Variants in TP63 observed in about 807,000 individuals in gnomAD.
TP63 encodes the protein tumor protein 63.
Under a neutral mutation model 82.8 loss-of-function variants are expected in TP63, and 17 were observed. The observed-to-expected ratio is 0.21, with a 90% CI of 0.14 to 0.31. The LOEUF is 0.31. Among genes scored for constraint, TP63 ranks in the 10% least tolerant of loss-of-function variants. TP63 has a pLI of 1.00. For synonymous variants in TP63, 330 were observed against 321.7 expected, an observed-to-expected ratio of 1.03 and a Z score of -0.28; for missense variants, 648 against 895.3, an observed-to-expected ratio of 0.72 and a Z score of 3.52.
intron 1 of TP63, among the ~76,000 whole-genome samples, chr3:189,709,842 T>C (rs965951640): frequency 6.6e-5 from 10 of 152,186 alleles, no homozygotes; most frequent in Non-Finnish European, 4.4e-5. Context: ...TAGTTTTCCT[T>C]TGAAGGTGGG....
intron 3 of TP63, among the ~76,000 whole-genome samples, chr3:189,745,617 G>A (rs146927456): frequency 7.2e-5 from 10 of 138,558 alleles, no homozygotes; most frequent in Non-Finnish European, 1.5e-4. Flanking sequence ...TGAGATAGGA[G>A]AATCGCTTGA....
chr3:189,747,195 C>T (rs950774999), intron 3 of TP63, among the ~76,000 whole-genome samples: 3 of 151,968 alleles, frequency 2.0e-5, no homozygotes, highest in African/African-American at 7.2e-5. Context: ...GAGAGATCAT[C>T]TAGAAAGTTA....
At chr3:189,746,697 TAAC>T (rs57122599) in intron 3 of TP63, among the ~76,000 whole-genome samples, 6,503 of 151,782 alleles carry the variant, frequency 0.043, 456 homozygotes, top group African/African-American at 0.15. Context: ...CATATATTAA[TAAC>T]AACCTTCAAT....
At chr3:189,757,304 G>T (rs1175513124) in intron 3 of TP63, among the ~76,000 whole-genome samples, 1 of 152,156 alleles carries the variant, frequency 6.6e-6, no homozygotes, top group Non-Finnish European at 1.5e-5. Context: ...AAGAGGTCAG[G>T]CTCCAGAGAT....
At chr3:189,621,130 C>T in the TP63 span, among the ~76,000 whole-genome samples, 1 of 152,096 alleles carries the variant, frequency 6.6e-6, no homozygotes, top group Non-Finnish European at 1.5e-5. Context: ...AAATGATGCC[C>T]ATTGACTGTG....
chr3:189,820,612 G>A (rs1035430794), intron 4 of TP63, among the ~76,000 whole-genome samples: 6 of 152,174 alleles, frequency 3.9e-5, no homozygotes, highest in African/African-American at 1.4e-4. Context: ...ATGGTTTGTT[G>A]GATACTAGTG....
At chr3:189,613,882 T>G in the TP63 span, among the ~76,000 whole-genome samples, 1 of 152,194 alleles carries the variant, frequency 6.6e-6, no homozygotes, top group Non-Finnish European at 1.5e-5. Flanking sequence ...AAACTGTCTC[T>G]TATTTGGAAC....
At chr3:189,660,246 A>T (rs1713749972) in intron 1 of TP63, among the ~76,000 whole-genome samples, 1 of 152,102 alleles carries the variant, frequency 6.6e-6, no homozygotes, top group Non-Finnish European at 1.5e-5. Context: ...TAGGGGGTCC[A>T]GTTTCATCTT....
Position 189,631,502 on chromosome 3 carries a change from G to C in TP63, c.-14G>C, listed in dbSNP as rs1401312885. 1 of 1,612,484 alleles carries C rather than the reference G, an allele frequency of 6.2e-7. No homozygotes were observed. Among genetic ancestry groups the C allele is most frequent in the East Asian group, 2.2e-5 (1 of 44,834 alleles). ...TTGTTCTCCGTTCGTTGATATCAAA[G>C]ACAGTTGAAGGAAATGAATTTTGAA... On this transcript the variant is annotated 5_prime_UTR_variant, in exon 1 of 14. Coordinates refer to ENST00000264731, the MANE Select transcript of TP63 (RefSeq NM_003722.5).
chr3:189,654,656 A>T (rs976226939), intron 1 of TP63, among the ~76,000 whole-genome samples: 8 of 152,210 alleles, frequency 5.3e-5, no homozygotes, highest in Non-Finnish European at 8.8e-5. Context: ...AAATATATTT[A>T]AAAACCCTAA....
intron 4 of TP63, among the ~76,000 whole-genome samples, chr3:189,840,066 C>T (rs902581199): frequency 1.3e-5 from 2 of 152,188 alleles, no homozygotes; most frequent in African/African-American, 4.8e-5. Context: ...TAGCGAAGTG[C>T]CTAGACTGTA....
Position 189,805,063 on chromosome 3 carries a change from C to T in TP63, c.325-3209C>T, listed in dbSNP as rs79535458. 1.2e-4 allele frequency among the ~76,000 whole-genome samples: 19 copies of T among 152,280 alleles called. 1 individual carries two copies. In the East Asian group the frequency reaches 3.7e-3, roughly 29 times the overall value. Reference sequence around the variant, plus strand: ...AAACTATGACGCCTAAAAGTAGATCCATCAGTACCCACATTGCTATTCATG... The same window carrying T: ...AAACTATGACGCCTAAAAGTAGATCTATCAGTACCCACATTGCTATTCATG... On this transcript the variant is annotated intron_variant, in intron 3 of 13. Transcript: ENST00000264731.
the TP63 span, among the ~76,000 whole-genome samples, chr3:189,599,822 T>A: frequency 6.6e-6 from 1 of 152,254 alleles, no homozygotes. Context: ...TTGAAAATTG[T>A]TTGTTCACCA....
intron 4 of TP63, among the ~76,000 whole-genome samples, chr3:189,813,575 G>A (rs1358731426): frequency 6.8e-6 from 1 of 147,844 alleles, no homozygotes; most frequent in Non-Finnish European, 1.5e-5. Flanking sequence ...GTGTGCATAC[G>A]CCATGAAAAT....
At chr3:189,623,565 T>C in the TP63 span, among the ~76,000 whole-genome samples, 1 of 152,144 alleles carries the variant, frequency 6.6e-6, no homozygotes, top group Admixed American at 6.6e-5. Flanking sequence ...TATTTGAGCA[T>C]AGGAAATGGA....
intron 3 of TP63, among the ~76,000 whole-genome samples, chr3:189,772,528 C>T (rs995692325): frequency 6.6e-6 from 1 of 152,226 alleles, no homozygotes; most frequent in African/African-American, 2.4e-5. Context: ...GTTGCTCTCA[C>T]ACTGTCATTT....
intron 1 of TP63, among the ~76,000 whole-genome samples, chr3:189,724,970 A>G (rs140155651): frequency 5.1e-4 from 77 of 152,346 alleles, no homozygotes; most frequent in Non-Finnish European, 1.0e-3. Context: ...AGGATAAACC[A>G]GCAATCGATT....
intron 4 of TP63, among the ~76,000 whole-genome samples, chr3:189,851,532 G>A (rs58246207): frequency 0.13 from 20,378 of 152,090 alleles, 1,624 homozygotes; most frequent in African/African-American, 0.22. Context: ...ACAGGATCGC[G>A]CCACTGCACT....
chr3:189,793,777 A>G (rs935255983), intron 3 of TP63, among the ~76,000 whole-genome samples: 1 of 152,130 alleles, frequency 6.6e-6, no homozygotes, highest in African/African-American at 2.4e-5. Context: ...GATGATTTCC[A>G]TAATTTATAA....
Sources: allele counts gnomAD v4.1 joint callset (sites outside exome capture counted in the v4.1 genomes callset), GRCh38; gene constraint gnomAD v4.1.1; transcripts MANE v1.5; gene names NCBI Gene and HGNC (gene_info 2026-07-23, HGNC 2026-07-21).